Variants in RASGRF2 observed in about 807,000 individuals in gnomAD.
The protein encoded by RASGRF2 is Ras protein specific guanine nucleotide releasing factor 2, also known as ras-specific guanine nucleotide-releasing factor 2.
Under a neutral mutation model 151.0 loss-of-function variants are expected in RASGRF2, and 76 were observed. The ratio of observed to expected loss-of-function variants is 0.50; its 90% CI spans 0.42 to 0.61. The LOEUF (loss-of-function observed/expected upper bound fraction) is 0.61. RASGRF2 is among the 20% of genes least tolerant of loss of function. The pLI, the probability that RASGRF2 is intolerant of heterozygous loss-of-function variation, is 0.00. For missense variants in RASGRF2, 1,148 were observed against 1,564.6 expected, an observed-to-expected ratio of 0.73 and a Z score of 4.49; for synonymous variants, 504 against 566.5, an observed-to-expected ratio of 0.89 and a Z score of 1.57.
chr5:81,081,681 C>T (rs1752091062), intron 7 of RASGRF2, among the ~76,000 whole-genome samples: 1 of 152,194 alleles, frequency 6.6e-6, no homozygotes, highest in East Asian at 1.9e-4. Flanking sequence ...CCTGCGCAGG[C>T]ATCTCTGACC....
chr5:81,017,753 G>A (rs1010883294), intron 1 of RASGRF2, among the ~76,000 whole-genome samples: 1 of 152,146 alleles, frequency 6.6e-6, no homozygotes, highest in African/African-American at 2.4e-5. Flanking sequence ...ACTGAGCCAC[G>A]AGATGAAATA....
At chr5:81,015,900 A>G (rs1463608499) in intron 1 of RASGRF2, among the ~76,000 whole-genome samples, 3 of 152,212 alleles carry the variant, frequency 2.0e-5, no homozygotes, top group Non-Finnish European at 4.4e-5. Flanking sequence ...AATGCTTCCG[A>G]TTAAAATTAA....
chr5:81,099,182 C>T (rs1407761785), intron 12 of RASGRF2, among the ~76,000 whole-genome samples: 4 of 152,218 alleles, frequency 2.6e-5, no homozygotes, highest in Non-Finnish European at 1.5e-5. Context: ...TCTCCACAAT[C>T]TTGCCATATA....
rs556120453 is a variant in RASGRF2 at position 81,208,394 on chromosome 5, G to A, written c.3112G>A (p.Glu1038Lys). Reference protein sequence around the residue: ...GQGWMKLDKNERTPYIMKTSQ... With the variant: ...GQGWMKLDKNKRTPYIMKTSQ... ...GGGGTGGATGAAGCTGGATAAAAAC[G>A]AAAGAACTCCTTACATTATGAAAAC... Residue 1038 changes from glutamate to lysine, a missense_variant, in exon 22 of 27, where the codon GAA becomes AAA. This residue lies in a region of RASGRF2 where 646 missense variants were observed against 807.4 expected (regional missense o/e 0.80). Transcript: ENST00000265080. 1.2e-4 allele frequency: 197 copies of A among 1,613,500 alleles called. No individual in the cohort carries two copies. In the South Asian group the frequency reaches 1.5e-3, roughly 12 times the overall value.
intron 1 of RASGRF2, among the ~76,000 whole-genome samples, chr5:81,034,765 C>A (rs1750409906): frequency 7.5e-6 from 1 of 133,736 alleles, no homozygotes. Flanking sequence ...CATATGGACA[C>A]AGGAAGGGGA....
chr5:81,224,250 C>T (rs543509093), intron 26 of RASGRF2, among the ~76,000 whole-genome samples: 23 of 152,286 alleles, frequency 1.5e-4, no homozygotes, highest in African/African-American at 5.5e-4. Flanking sequence ...TAGAGTGGGA[C>T]ATCGTTTTCA....
chr5:81,097,212 C>T (rs426898), intron 12 of RASGRF2, among the ~76,000 whole-genome samples: 31,430 of 152,098 alleles, frequency 0.21, 3,732 homozygotes, highest in Admixed American at 0.29. Context: ...CCTCCCGCCT[C>T]GGCCTCCCAA....
At chr5:81,179,834 C>T (rs1754871477) in intron 17 of RASGRF2, among the ~76,000 whole-genome samples, 1 of 152,184 alleles carries the variant, frequency 6.6e-6, no homozygotes, top group Admixed American at 6.5e-5. Context: ...TAAATTAATG[C>T]TGACTCAAAT....
intron 1 of RASGRF2, among the ~76,000 whole-genome samples, chr5:81,034,805 G>C (rs1473014348): frequency 2.5e-5 from 1 of 40,532 alleles, no homozygotes; most frequent in Non-Finnish European, 4.9e-5. Flanking sequence ...GTTGTGGGGT[G>C]GGAGGGGGGT....
intron 17 of RASGRF2, among the ~76,000 whole-genome samples, chr5:81,136,764 A>G (rs1753763190): frequency 6.6e-6 from 1 of 151,866 alleles, no homozygotes; most frequent in Admixed American, 6.6e-5. Context: ...AAATTGTCCC[A>G]CAGTTCTTGT....
intron 2 of RASGRF2, among the ~76,000 whole-genome samples, chr5:81,054,593 T>G (rs1198466054): frequency 9.8e-6 from 1 of 101,720 alleles, no homozygotes; most frequent in African/African-American, 3.9e-5. Context: ...GGCTTAGGAT[T>G]GTCTTGGCAA....
At chr5:80,969,550 A>G (rs375609450) in intron 1 of RASGRF2, among the ~76,000 whole-genome samples, 2,761 of 147,946 alleles carry the variant, frequency 0.019, 97 homozygotes, top group African/African-American at 0.063. Context: ...CAGGGTTCAC[A>G]CCATTCTCCT....
chr5:81,162,765 C>T (rs1278696946), intron 17 of RASGRF2, among the ~76,000 whole-genome samples: 1 of 152,240 alleles, frequency 6.6e-6, no homozygotes, highest in Non-Finnish European at 1.5e-5. Flanking sequence ...TTGAGCATTG[C>T]AGGCTGATTC....
intron 1 of RASGRF2, among the ~76,000 whole-genome samples, chr5:81,016,030 G>A (rs1257803402): frequency 1.3e-5 from 2 of 152,098 alleles, no homozygotes; most frequent in South Asian, 2.1e-4. Context: ...GGTGACAATG[G>A]CGACTGAACT....
chr5:81,021,176 C>T lies in RASGRF2; in HGVS notation c.289-21701C>T, dbSNP rs527799686. Among the ~76,000 whole-genome samples, 2 of 152,212 alleles carry T rather than the reference C, an allele frequency of 1.3e-5. 1 individual carries two copies. ...GCGCTTGCAGCCTATGTAAGATTTG[C>T]TATTAGAGTTTGAGAATACCAGCAA... On this transcript the variant is annotated intron_variant, in intron 1 of 26. Coordinates refer to ENST00000265080, the MANE Select transcript of RASGRF2 (RefSeq NM_006909.3).
intron 2 of RASGRF2, among the ~76,000 whole-genome samples, chr5:81,050,519 C>G (rs1750977459): frequency 6.6e-6 from 1 of 152,032 alleles, no homozygotes; most frequent in Non-Finnish European, 1.5e-5. Flanking sequence ...CAAGCGAGGC[C>G]CCTCTGAGCT....
intron 1 of RASGRF2, among the ~76,000 whole-genome samples, chr5:80,972,391 A>AGT (rs1421766626): frequency 4.6e-5 from 7 of 152,232 alleles, no homozygotes; most frequent in Non-Finnish European, 1.0e-4. Context: ...ATAGGTGTGT[A>AGT]GTAACATGTC....
chr5:81,024,249 A>ATTTTTTTTTTT lies in RASGRF2; in HGVS notation c.289-18611_289-18601dup, dbSNP rs397884951. The stretch of plus-strand genomic sequence containing the variant: ...CTCCAGGACTAGAGGTATTCATATA[A>ATTTTTTTTTTT]TTTTTTTTTTTTTTTTTTTTTTTTT... On this transcript the variant is annotated intron_variant, in intron 1 of 26. Coordinates refer to ENST00000265080, the MANE Select transcript of RASGRF2 (RefSeq NM_006909.3). 8.2e-4 allele frequency among the ~76,000 whole-genome samples: 59 copies of ATTTTTTTTTTT among 71,688 alleles called. 1 individual carries two copies. Among genetic ancestry groups the ATTTTTTTTTTT allele is most frequent in the African/African-American group, 3.2e-3 (50 of 15,738 alleles). 47.0% of individuals were successfully genotyped at this position (71,688 alleles called of 152,430 possible).
chr5:81,109,414 C>T (rs1018682286), intron 13 of RASGRF2, among the ~76,000 whole-genome samples: 3 of 152,104 alleles, frequency 2.0e-5, no homozygotes, highest in Non-Finnish European at 2.9e-5. Context: ...CCCAGCACTT[C>T]GGAGGCCGAG....
Sources: allele counts gnomAD v4.1 joint callset (sites outside exome capture counted in the v4.1 genomes callset), GRCh38; gene constraint gnomAD v4.1.1; regional missense constraint gnomAD v4.1.1; transcripts MANE v1.5; gene names NCBI Gene and HGNC (gene_info 2026-07-23, HGNC 2026-07-21).